RALYL: variants seen among roughly 807,000 people sequenced by gnomAD.
RALYL encodes the protein RNA-binding Raly-like protein.
Under a neutral mutation model 35.1 loss-of-function variants are expected in RALYL, and 29 were observed. That is an observed-to-expected ratio of 0.83 (90% CI 0.61 to 1.13). The LOEUF (loss-of-function observed/expected upper bound fraction) is 1.13. Ranked by LOEUF, RALYL falls within the 50% of genes most tolerant of loss-of-function variation. The probability of loss-of-function intolerance (pLI) is 0.00; values close to 1 mark genes in which losing one functional copy is unlikely to be tolerated. For missense variants in RALYL, 359 were observed against 360.4 expected, an observed-to-expected ratio of 1.00 and a Z score of 0.03; for synonymous variants, 120 against 127.6, an observed-to-expected ratio of 0.94 and a Z score of 0.40.
At chr8:84,357,726 T>A (rs1300912526) in intron 1 of RALYL, among the ~76,000 whole-genome samples, 5 of 142,446 alleles carry the variant, frequency 3.5e-5, no homozygotes, top group African/African-American at 1.3e-4. Context: ...GATTTTAACC[T>A]TTTTCCTTAT....
chr8:84,563,720 C>T (rs2061605075), intron 2 of RALYL, among the ~76,000 whole-genome samples: 2 of 151,696 alleles, frequency 1.3e-5, no homozygotes, highest in South Asian at 4.1e-4. Context: ...AGATGTCTCC[C>T]TGTTATTCAC....
chr8:84,231,455 C>T (rs1369777149), intron 1 of RALYL, among the ~76,000 whole-genome samples: 1 of 152,134 alleles, frequency 6.6e-6, no homozygotes, highest in Admixed American at 6.5e-5. Context: ...CCTTATAGTA[C>T]TGAAAAAATG....
chr8:84,239,313 T>A (rs1827331430), intron 1 of RALYL, among the ~76,000 whole-genome samples: 1 of 152,200 alleles, frequency 6.6e-6, no homozygotes, highest in South Asian at 2.1e-4. Context: ...AGTCCCCTCA[T>A]GCATTGAATA....
intron 3 of RALYL, among the ~76,000 whole-genome samples, chr8:84,803,410 C>T (rs1823831208): frequency 6.6e-6 from 1 of 152,132 alleles, no homozygotes; most frequent in African/African-American, 2.4e-5. Context: ...TTCGTTGCTT[C>T]AGCTTTTCCC....
intron 1 of RALYL, among the ~76,000 whole-genome samples, chr8:84,367,336 T>G (rs1204569733): frequency 6.2e-4 from 39 of 62,556 alleles, no homozygotes; most frequent in African/African-American, 2.3e-3. Flanking sequence ...TTTTTTTTTT[T>G]TTTTTTTTTT....
chr8:84,467,658 T>C (rs1240173773), intron 1 of RALYL, among the ~76,000 whole-genome samples: 1 of 152,068 alleles, frequency 6.6e-6, no homozygotes, highest in Non-Finnish European at 1.5e-5. Flanking sequence ...GTCTATTAGG[T>C]CCACTTGGTG....
At chr8:84,491,915 A>G (rs2055356602) in intron 1 of RALYL, among the ~76,000 whole-genome samples, 1 of 151,938 alleles carries the variant, frequency 6.6e-6, no homozygotes, top group Non-Finnish European at 1.5e-5. Flanking sequence ...ATATCCTTAG[A>G]ATCTTCATTA....
intron 8 of RALYL, among the ~76,000 whole-genome samples, chr8:84,909,843 C>T (rs1847201003): frequency 6.6e-6 from 1 of 152,050 alleles, no homozygotes; most frequent in Non-Finnish European, 1.5e-5. Context: ...ATAAGTTAAG[C>T]CTCAAAGTCT....
chr8:84,606,165 C>T (rs978168035), intron 2 of RALYL, among the ~76,000 whole-genome samples: 17 of 152,132 alleles, frequency 1.1e-4, no homozygotes, highest in African/African-American at 4.1e-4. Flanking sequence ...TGCTCTTGCA[C>T]TCTCATACAC....
intron 2 of RALYL, among the ~76,000 whole-genome samples, chr8:84,763,475 A>G (rs6992790): frequency 2.6e-5 from 4 of 151,986 alleles, no homozygotes; most frequent in African/African-American, 7.2e-5. Context: ...TCACCATGTG[A>G]TTTTTAGTCT....
intron 2 of RALYL, among the ~76,000 whole-genome samples, chr8:84,674,783 T>C (rs1320228387): frequency 1.3e-5 from 2 of 152,172 alleles, no homozygotes; most frequent in Non-Finnish European, 2.9e-5. Context: ...GTGCAGTCAT[T>C]ACTTGCTTAC....
chr8:84,492,092 T>G (rs1253998439), intron 1 of RALYL, among the ~76,000 whole-genome samples: 1 of 152,038 alleles, frequency 6.6e-6, no homozygotes, highest in Non-Finnish European at 1.5e-5. Context: ...TTTTTCAGTC[T>G]TCTAATGTTT....
intron 1 of RALYL, among the ~76,000 whole-genome samples, chr8:84,393,270 G>A (rs138927558): frequency 3.5e-4 from 54 of 152,138 alleles, no homozygotes; most frequent in East Asian, 1.6e-3. Flanking sequence ...TTACATAGTC[G>A]TTGGCAGAAT....
chr8:84,771,290 G>A (rs1350969135), intron 2 of RALYL, among the ~76,000 whole-genome samples: 1 of 151,412 alleles, frequency 6.6e-6, no homozygotes. Flanking sequence ...GCTACCATTT[G>A]TTTATCCTAT....
chr8:84,663,857 T>C (rs1305785345), intron 2 of RALYL, among the ~76,000 whole-genome samples: 5 of 152,174 alleles, frequency 3.3e-5, no homozygotes, highest in Non-Finnish European at 7.4e-5. Flanking sequence ...TTTGTTGCAA[T>C]TGCTTTTGGC....
intron 1 of RALYL, among the ~76,000 whole-genome samples, chr8:84,222,684 G>A (rs1252520603): frequency 6.6e-6 from 1 of 152,132 alleles, no homozygotes; most frequent in Non-Finnish European, 1.5e-5. Flanking sequence ...GGTGTATTAA[G>A]TCACTTTGGC....
chr8:84,741,152 T>A (rs1045054540), intron 2 of RALYL, among the ~76,000 whole-genome samples: 1 of 151,944 alleles, frequency 6.6e-6, no homozygotes, highest in East Asian at 1.9e-4. Flanking sequence ...GTATGGCTTA[T>A]CCTGGATGGG....
chr8:84,494,262 T>C lies in RALYL; in HGVS notation c.-23-35037T>C, dbSNP rs551154093. ...GTCTCTATTCTGTTCCATTGGTCTA[T>C]ATGTCTGTTTTTGTACCAGCACTAT... On this transcript the variant is annotated intron_variant, in intron 1 of 8. Transcript: ENST00000521268. Among the ~76,000 whole-genome samples the C allele has an allele frequency of 3.3e-5, 5 of 152,300 alleles. No homozygotes were observed. The East Asian group carries it at 7.7e-4, about 24-fold the overall frequency.
intron 1 of RALYL, among the ~76,000 whole-genome samples, chr8:84,497,921 G>A (rs1423444473): frequency 1.3e-5 from 2 of 150,866 alleles, no homozygotes; most frequent in Admixed American, 6.6e-5. Context: ...GATTACAGGT[G>A]TGAGGAACCA....
Sources: gnomAD v4.1 joint callset for allele counts (sites outside exome capture counted in the v4.1 genomes callset) on GRCh38, gnomAD v4.1.1 for gene constraint, MANE v1.5 for transcripts, NCBI Gene and HGNC (gene_info 2026-07-23, HGNC 2026-07-21) for gene names.